The following XKR9 variants were observed in gnomAD, a reference collection of about 807,000 sequenced individuals.
XKR9 encodes the protein XK related 9.
XKR9 carries 32 observed loss-of-function variants against 32.0 expected under a neutral mutation model. That is an observed-to-expected ratio of 1.00 (90% CI 0.76 to 1.34). The LOEUF is 1.34. Among genes scored for constraint, XKR9 ranks in the 40% most tolerant of loss-of-function variants. The probability of loss-of-function intolerance (pLI) is 0.00; values close to 1 mark genes in which losing one functional copy is unlikely to be tolerated. For synonymous variants in XKR9, 168 were observed against 143.4 expected, an observed-to-expected ratio of 1.17 and a Z score of -1.22; for missense variants, 546 against 429.7, an observed-to-expected ratio of 1.27 and a Z score of -2.39.
chr8:70,742,622 A>G (rs1369241890), intron 2 of XKR9, among the ~76,000 whole-genome samples: 1 of 152,078 alleles, frequency 6.6e-6, no homozygotes, highest in Non-Finnish European at 1.5e-5. Flanking sequence ...AAATCTGAAC[A>G]TATCTTTATT....
the XKR9 span, among the ~76,000 whole-genome samples, chr8:70,825,029 T>C: frequency 2.0e-5 from 3 of 152,192 alleles, no homozygotes; most frequent in African/African-American, 7.2e-5. Flanking sequence ...GGCAAGACTA[T>C]TTTACTTTAA....
At chr8:70,846,576 A>G in the XKR9 span, among the ~76,000 whole-genome samples, 823 of 152,172 alleles carry the variant, frequency 5.4e-3, 12 homozygotes, top group African/African-American at 0.019. Flanking sequence ...CACTTAAAAG[A>G]TATAGATTGG....
chr8:70,898,377 G>A, the XKR9 span, among the ~76,000 whole-genome samples: 1,694 of 152,084 alleles, frequency 0.011, 31 homozygotes, highest in African/African-American at 0.037. Flanking sequence ...GTCTTTTTGC[G>A]CAGGACAGCT....
chr8:70,694,029 G>T (rs1805169465), intron 3 of XKR9, among the ~76,000 whole-genome samples: 1 of 152,118 alleles, frequency 6.6e-6, no homozygotes, highest in Non-Finnish European at 1.5e-5. Flanking sequence ...TATGGGAATG[G>T]GTACCCATGT....
the XKR9 span, among the ~76,000 whole-genome samples, chr8:70,972,750 T>C: frequency 3.3e-4 from 51 of 152,320 alleles, no homozygotes; most frequent in African/African-American, 1.2e-3. Context: ...ATTCTGTTTA[T>C]GTGGCATATC....
the XKR9 span, among the ~76,000 whole-genome samples, chr8:70,950,824 C>T: frequency 6.6e-6 from 1 of 151,838 alleles, no homozygotes; most frequent in African/African-American, 2.4e-5. Flanking sequence ...CAGGCACCCA[C>T]CACCATGCCC....
the XKR9 span, among the ~76,000 whole-genome samples, chr8:70,859,958 T>C: frequency 1.3e-5 from 2 of 152,128 alleles, no homozygotes; most frequent in African/African-American, 4.8e-5. Flanking sequence ...AACAATGTGT[T>C]GTGTATTTCA....
chr8:70,772,335 C>G (rs375489280), intron 2 of XKR9, among the ~76,000 whole-genome samples: 5 of 152,138 alleles, frequency 3.3e-5, no homozygotes, highest in Admixed American at 3.3e-4. Flanking sequence ...AAAAGATGCA[C>G]CTCTCTTTTT....
At chr8:71,045,813 C>T in the XKR9 span, among the ~76,000 whole-genome samples, 2 of 152,116 alleles carry the variant, frequency 1.3e-5, no homozygotes, top group African/African-American at 2.4e-5. Flanking sequence ...TGCCTTGGGG[C>T]CTGGATGGCT....
the XKR9 span, among the ~76,000 whole-genome samples, chr8:71,050,260 T>G: frequency 1.0e-2 from 1,079 of 107,926 alleles, 19 homozygotes; most frequent in African/African-American, 0.037. Context: ...TATATATATA[T>G]AGATAGATAG....
intron 3 of XKR9, among the ~76,000 whole-genome samples, chr8:70,690,533 G>A (rs568285855): frequency 2.1e-4 from 32 of 151,588 alleles, no homozygotes; most frequent in African/African-American, 7.3e-4. Context: ...GTAGAGATGG[G>A]GGTGGGGGTC....
the XKR9 span, among the ~76,000 whole-genome samples, chr8:70,819,160 A>G: frequency 1.3e-5 from 2 of 152,200 alleles, no homozygotes; most frequent in Non-Finnish European, 2.9e-5. Flanking sequence ...CTGTTTGTTT[A>G]GCACTGCATG....
At chr8:70,761,635 A>C (rs1473067404) in intron 2 of XKR9, among the ~76,000 whole-genome samples, 3 of 151,598 alleles carry the variant, frequency 2.0e-5, no homozygotes, top group African/African-American at 7.3e-5. Flanking sequence ...ATTTTCTTTC[A>C]TTCTGTAAGC....
At chr8:70,916,695 A>C in the XKR9 span, among the ~76,000 whole-genome samples, 1 of 151,976 alleles carries the variant, frequency 6.6e-6, no homozygotes. Context: ...GTCTTGTTGG[A>C]TTTTGAATTG....
At chr8:70,803,370 G>A in the XKR9 span, among the ~76,000 whole-genome samples, 1 of 152,022 alleles carries the variant, frequency 6.6e-6, no homozygotes, top group South Asian at 2.1e-4. Context: ...AGATTCCTTG[G>A]ATTGGGTTTC....
chr8:70,905,234 C>A, the XKR9 span, among the ~76,000 whole-genome samples: 3 of 152,206 alleles, frequency 2.0e-5, no homozygotes, highest in Non-Finnish European at 2.9e-5. Context: ...TGGTTCCATT[C>A]TCTCTGTCAA....
At chr8:70,720,512 G>T (rs557471306) in intron 4 of XKR9, among the ~76,000 whole-genome samples, 73 of 152,192 alleles carry the variant, frequency 4.8e-4, no homozygotes, top group African/African-American at 1.7e-3. Flanking sequence ...GCATGAAGGG[G>T]TGTTGAATTG....
At chr8:70,785,423 C>T (rs747851851) in intron 2 of XKR9, among the ~76,000 whole-genome samples, 2 of 151,572 alleles carry the variant, frequency 1.3e-5, no homozygotes, top group Non-Finnish European at 3.0e-5. Context: ...GAAAGTTTGC[C>T]AATTTTATCT....
At chr8:70,723,313 T>C (rs558480664) in intron 4 of XKR9, among the ~76,000 whole-genome samples, 4 of 152,166 alleles carry the variant, frequency 2.6e-5, no homozygotes, top group African/African-American at 7.2e-5. Context: ...TTCGTCAAAC[T>C]CATTCTCATT....
Sources: allele counts gnomAD v4.1 joint callset (sites outside exome capture counted in the v4.1 genomes callset), GRCh38; gene constraint gnomAD v4.1.1; transcripts MANE v1.5; gene names NCBI Gene and HGNC (gene_info 2026-07-23, HGNC 2026-07-21).